HNRNPUL1: variants seen among roughly 807,000 people sequenced by gnomAD.
HNRNPUL1 encodes the protein heterogeneous nuclear ribonucleoprotein U like 1.
In HNRNPUL1, 14 loss-of-function variants were observed where a neutral mutation model predicts 108.5. The observed-to-expected ratio is 0.13, with a 90% CI of 0.09 to 0.20. The LOEUF is 0.20. Ranked by LOEUF, HNRNPUL1 falls within the 10% of genes least tolerant of loss-of-function variation. The pLI is 1.00. For synonymous variants in HNRNPUL1, 422 were observed against 445.2 expected (o/e 0.95, Z 0.66); for missense variants, 804 against 1,168.3 (o/e 0.69, Z 4.55).
intron 1 of HNRNPUL1, chr19:41,265,331 T>C: frequency 6.6e-7 from 1 of 1,508,484 alleles, no homozygotes; most frequent in Non-Finnish European, 8.9e-7. Flanking sequence ...ATCCTGGGCG[T>C]TCTCCTATTT....
At chr19:41,275,273 G>A (rs886202873) in intron 4 of HNRNPUL1, among the ~76,000 whole-genome samples, 3 of 152,092 alleles carry the variant, frequency 2.0e-5, no homozygotes, top group African/African-American at 4.8e-5. Context: ...TAACCTTTTT[G>A]TATTCTAAAA....
rs1168024171 is a variant in HNRNPUL1 at position 41,265,801 on chromosome 19, CA to C, written c.295+1004del. Among the ~76,000 whole-genome samples the C allele has an allele frequency of 5.3e-5, 8 of 151,340 alleles. No homozygotes were observed. In the East Asian group the frequency reaches 1.2e-3, roughly 22 times the overall value. ...AGTGGATGAAATATGTGGCGGGAGACAGAGGATCCTGTGTCCAGCACAGGAG... is the reference window on the plus strand; with the variant it reads ...AGTGGATGAAATATGTGGCGGGAGACGAGGATCCTGTGTCCAGCACAGGAG... On this transcript the variant is annotated intron_variant, in intron 1 of 14. Transcript: ENST00000392006.
intron 7 of HNRNPUL1, among the ~76,000 whole-genome samples, chr19:41,286,073 T>A (rs1218620878): frequency 6.6e-6 from 1 of 150,832 alleles, no homozygotes; most frequent in African/African-American, 2.4e-5. Flanking sequence ...CTCAGGAGAC[T>A]GAGGTGAGAA....
At chr19:41,275,736 G>GATGT (rs1031633963) in intron 4 of HNRNPUL1, among the ~76,000 whole-genome samples, 1 of 152,156 alleles carries the variant, frequency 6.6e-6, no homozygotes, top group African/African-American at 2.4e-5. Flanking sequence ...CTGCCCCCAT[G>GATGT]ATGTGTTCAC....
At position 41,264,457 on chromosome 19, in the gene HNRNPUL1, C is replaced by T. The variant is rs775525038; in HGVS notation, c.-47C>T. 6 of 1,338,200 alleles carry T rather than the reference C, an allele frequency of 4.5e-6. No individual in the cohort carries two copies. The highest frequency in any genetic ancestry group is 5.8e-6 in the Non-Finnish European group (6 of 1,042,684). The allele number at this position is 1,338,200 out of a possible 1,614,324, so 82.9% of individuals were successfully genotyped here. On this transcript the variant is annotated 5_prime_UTR_variant, in exon 1 of 15. Transcript: ENST00000392006. ...AGGAAAGGTTTAAGGGGGACAGAGC[C>T]CTGGGAGGCCGGGCCGGGCTCGGGG...
Position 41,306,621 on chromosome 19 carries a change from G to C in HNRNPUL1, c.*56G>C, listed in dbSNP as rs1263503201. ...CTGCCGGCTTCCTCCACCAGCGCCT[G>C]CCTCGGCCCCTCCTCTGCCCCCGCC... is the stretch of plus-strand genomic sequence containing the variant. On this transcript the variant is annotated 3_prime_UTR_variant, in exon 15 of 15. Coordinates refer to ENST00000392006, the MANE Select transcript of HNRNPUL1 (RefSeq NM_007040.6). 8.6e-7 allele frequency: 1 copy of C among 1,160,522 alleles called. No homozygotes were observed. 71.9% of individuals were successfully genotyped at this position (1,160,522 alleles called of 1,614,324 possible).
At chr19:41,291,702 G>C (rs1380926929) in intron 7 of HNRNPUL1, among the ~76,000 whole-genome samples, 1 of 152,034 alleles carries the variant, frequency 6.6e-6, no homozygotes, top group Non-Finnish European at 1.5e-5. Context: ...CCTGCTTTAG[G>C]ACAGGTGCAG....
At chr19:41,270,065 C>T (rs1368447160) in intron 2 of HNRNPUL1, among the ~76,000 whole-genome samples, 1 of 152,182 alleles carries the variant, frequency 6.6e-6, no homozygotes, top group Non-Finnish European at 1.5e-5. Context: ...TCACTGCAAC[C>T]TCCGCCTCTC....
At position 41,271,956 on chromosome 19, in the gene HNRNPUL1, C is replaced by G. The variant is rs569131851; in HGVS notation, c.419-126C>G. The G allele has an allele frequency of 5.6e-6, 6 of 1,062,760 alleles. No individual in the cohort carries two copies. In the African/African-American group the frequency reaches 9.5e-5, roughly 17 times the overall value. The allele number at this position is 1,062,760 out of a possible 1,614,324, so 65.8% of individuals were successfully genotyped here. ...GCTTCTGTTGAACTCAGCAAGCTGC[C>G]TGTGCCCAGCCCTTCATCACTGTAG... On this transcript the variant is annotated intron_variant, in intron 2 of 14. Coordinates refer to ENST00000392006, the MANE Select transcript of HNRNPUL1 (RefSeq NM_007040.6).
At chr19:41,305,589 A>G in intron 13 of HNRNPUL1, 87 bp from the exon 14 acceptor site, 1 of 1,551,950 alleles carries the variant, frequency 6.4e-7, no homozygotes, top group Non-Finnish European at 8.9e-7. Context: ...CAACCACTTA[A>G]AAAGGCCCTT....
intron 2 of HNRNPUL1, among the ~76,000 whole-genome samples, chr19:41,270,038 G>A (rs1223405753): frequency 6.6e-6 from 1 of 151,834 alleles, no homozygotes; most frequent in East Asian, 1.9e-4. Context: ...GCTGGAGGGC[G>A]ATGGCGCGAT....
intron 7 of HNRNPUL1, chr19:41,291,868 C>A: frequency 4.8e-6 from 1 of 206,188 alleles, no homozygotes; most frequent in East Asian, 1.2e-4. Flanking sequence ...GTAGTCCCAG[C>A]TACTCAGGAG....
At chr19:41,278,052 ATTGTTTGTT>A (rs937696998) in intron 5 of HNRNPUL1, among the ~76,000 whole-genome samples, 5 of 139,478 alleles carry the variant, frequency 3.6e-5, no homozygotes, top group South Asian at 4.5e-4. Flanking sequence ...TGTTTGTTTG[ATTGTTTGTT>A]TTGTTTGTTT....
intron 2 of HNRNPUL1, among the ~76,000 whole-genome samples, chr19:41,268,718 C>T (rs2035017661): frequency 6.6e-6 from 1 of 151,938 alleles, no homozygotes; most frequent in Admixed American, 6.6e-5. Context: ...ATTAGCCAGG[C>T]ATGGTGGCAG....
At position 41,305,794 on chromosome 19, in the gene HNRNPUL1, C is replaced by A. The variant is rs750463421; in HGVS notation, c.2381C>A (p.Pro794Gln). The change falls in exon 14 of 15, where the codon CCG becomes CAG. Residue 794 changes from proline (P) to glutamine (Q), a missense_variant. This residue lies in a region of HNRNPUL1 where 294 missense variants were observed against 388.3 expected (regional missense o/e 0.76). Coordinates refer to ENST00000392006, the MANE Select transcript of HNRNPUL1 (RefSeq NM_007040.6). The part of the protein sequence containing the change: ...YNYGSYGGYN[P>Q]APYTPPPPPT... ...TATGGGAGCTACGGCGGTTACAACCCGGCCCCCTATACCCCACCGCCACCC... is the reference window on the plus strand; with the variant it reads ...TATGGGAGCTACGGCGGTTACAACCAGGCCCCCTATACCCCACCGCCACCC... 2.5e-6 allele frequency: 4 copies of A among 1,611,822 alleles called. No individual in the cohort carries two copies. The highest frequency in any genetic ancestry group is 3.4e-6 in the Non-Finnish European group (4 of 1,178,240).
intron 3 of HNRNPUL1, chr19:41,272,520 C>T (rs2035302555): frequency 2.9e-6 from 1 of 340,914 alleles, no homozygotes; most frequent in Non-Finnish European, 5.4e-6. Context: ...CTTACTGCCC[C>T]TGCAGTCAGC....
rs10421042 is a variant in HNRNPUL1 at position 41,282,519 on chromosome 19, C to T, written c.999+1244C>T. ...TTTAACTTTGAGATAAATTCAAACT[C>T]GGAAAAGCTTGAGAATAAAGAATTC... is the stretch of plus-strand genomic sequence containing the variant. On this transcript the variant is annotated intron_variant, in intron 7 of 14. Coordinates refer to ENST00000392006, the MANE Select transcript of HNRNPUL1 (RefSeq NM_007040.6). Among the ~76,000 whole-genome samples the T allele has an allele frequency of 1.3e-3, 205 of 152,002 alleles. 1 individual carries two copies. Among genetic ancestry groups the T allele is most frequent in the African/African-American group, 4.7e-3 (194 of 41,452 alleles).
rs569184729 is a variant in HNRNPUL1, at chr19:41,294,707, T to A, written c.1518+21T>A. The A allele has an allele frequency of 1.9e-6, 3 of 1,613,750 alleles. No homozygotes were observed. The South Asian group carries it at 3.3e-5, about 18-fold the overall frequency. On this transcript the variant is annotated intron_variant, in intron 10 of 14. Transcript: ENST00000392006. This position sits in a 1 kb window ranked among gnomAD's most constrained non-coding sequence, Gnocchi z 4.3. ...ATCAGGTACTTAATGATGACCATTG[T>A]GTCCTCAGGAGAAGGGAGGGGACCC...
chr19:41,293,511 G>C (rs557440182), intron 8 of HNRNPUL1, among the ~76,000 whole-genome samples: 2 of 152,064 alleles, frequency 1.3e-5, no homozygotes, highest in African/African-American at 4.8e-5. Context: ...CCCCTAGTCG[G>C]GCATTTAAGA....
Sources: allele counts gnomAD v4.1 joint callset (sites outside exome capture counted in the v4.1 genomes callset), GRCh38; gene constraint gnomAD v4.1.1; regional missense constraint gnomAD v4.1.1; non-coding constraint Gnocchi (gnomAD v3.1); transcripts MANE v1.5; gene names NCBI Gene and HGNC (gene_info 2026-07-23, HGNC 2026-07-21).